SLC44A5: variants seen among roughly 807,000 people sequenced by gnomAD.
The protein encoded by SLC44A5 is solute carrier family 44 member 5, also known as choline transporter-like protein 5.
A neutral mutation model predicts 101.8 loss-of-function variants in SLC44A5; 57 were observed. The observed-to-expected ratio is 0.56, with a 90% confidence interval of 0.45 to 0.70. The LOEUF (loss-of-function observed/expected upper bound fraction) is 0.70. Among genes scored for constraint, SLC44A5 ranks in the 30% least tolerant of loss-of-function variants. The pLI, the probability that SLC44A5 is intolerant of heterozygous loss-of-function variation, is 0.00. For synonymous variants in SLC44A5, 281 were observed against 290.9 expected, an observed-to-expected ratio of 0.97 and a Z score of 0.35; for missense variants, 737 against 853.1, an observed-to-expected ratio of 0.86 and a Z score of 1.70.
chr1:75,529,761 G>A (rs1247015555), intron 2 of SLC44A5, among the ~76,000 whole-genome samples: 1 of 152,118 alleles, frequency 6.6e-6, no homozygotes, highest in African/African-American at 2.4e-5. Context: ...GAGAAAAGTG[G>A]CTCAAAGCTG....
intron 3 of SLC44A5, among the ~76,000 whole-genome samples, chr1:75,384,019 C>A (rs1457852014): frequency 6.6e-6 from 1 of 151,402 alleles, no homozygotes. Flanking sequence ...GAGATTTTGT[C>A]ACCACCAGGC....
At chr1:75,304,456 A>C (rs1405522245) in intron 4 of SLC44A5, among the ~76,000 whole-genome samples, 3 of 152,182 alleles carry the variant, frequency 2.0e-5, no homozygotes, top group Admixed American at 2.0e-4. Context: ...AATGTGAACA[A>C]ATCAAAATAT....
At chr1:75,600,954 A>C (rs1433349956) in intron 1 of SLC44A5, among the ~76,000 whole-genome samples, 1 of 152,202 alleles carries the variant, frequency 6.6e-6, no homozygotes, top group Non-Finnish European at 1.5e-5. Flanking sequence ...ATAAAGAGAG[A>C]CAGTGAGAAG....
At chr1:75,626,049 C>G in the SLC44A5 span, among the ~76,000 whole-genome samples, 141,800 of 152,182 alleles carry the variant, frequency 0.93, 66,204 homozygotes, top group East Asian at 0.99. Flanking sequence ...AATGATTTTA[C>G]ATGCCTACTG....
In SLC44A5 at chr1:75,461,674, G is replaced by A. The variant is rs184447781; in HGVS notation, c.14-65053C>T. 1.3e-3 allele frequency among the ~76,000 whole-genome samples: 202 copies of A among 152,194 alleles called. 2 individuals are homozygous for A. The highest frequency in any genetic ancestry group is 4.7e-3 in the African/African-American group (196 of 41,524). On this transcript the variant is annotated intron_variant, in intron 2 of 23. Transcript: ENST00000370859. ...GGATAGCATTTCTGAAACTGCTCTC[G>A]GCCAGAGGAGTGCCTACTACCCTAA...
At chr1:75,395,732 T>A (rs761719840) in intron 3 of SLC44A5, among the ~76,000 whole-genome samples, 1 of 152,152 alleles carries the variant, frequency 6.6e-6, no homozygotes, top group Non-Finnish European at 1.5e-5. Flanking sequence ...ATATACATTG[T>A]AGAAAGATTA....
intron 1 of SLC44A5, among the ~76,000 whole-genome samples, chr1:75,559,102 C>A (rs925540960): frequency 6.6e-6 from 1 of 151,786 alleles, no homozygotes; most frequent in African/African-American, 2.4e-5. Flanking sequence ...TGGAAATGTA[C>A]AAACTATTAG....
intron 1 of SLC44A5, among the ~76,000 whole-genome samples, chr1:75,591,993 C>T (rs1674381904): frequency 6.6e-6 from 1 of 152,112 alleles, no homozygotes; most frequent in Non-Finnish European, 1.5e-5. Context: ...CCACTGTCAA[C>T]ACTGTTATTC....
chr1:75,500,782 A>G (rs1442077498), intron 2 of SLC44A5, among the ~76,000 whole-genome samples: 5 of 152,166 alleles, frequency 3.3e-5, no homozygotes, highest in Non-Finnish European at 1.5e-5. Context: ...CTTCAAATCA[A>G]TGAGCATTTC....
At position 75,219,839 on chromosome 1, in the gene SLC44A5, A is replaced by T. The variant is rs1402388203; in HGVS notation, c.1139T>A (p.Leu380Ter). The T allele has an allele frequency of 6.2e-7, 1 of 1,613,002 alleles. No individual in the cohort carries two copies. Among genetic ancestry groups the T allele is most frequent in the African/African-American group, 1.3e-5 (1 of 74,896 alleles). Residue 380 changes from leucine (L) to a stop codon, truncating the protein, a stop_gained, in exon 15 of 24, where the codon TTG becomes TAG. Coordinates refer to ENST00000370859, the MANE Select transcript of SLC44A5 (RefSeq NM_001130058.2). LOFTEE classifies it high-confidence loss of function. ...TLVYPALTFI[L>*]LSICICYWVV... ...CCAGTAGCAAATGCAGATTGAGAGC[A>T]AAATGAAAGTTAAAGCTGGATAGAC...
the SLC44A5 span, among the ~76,000 whole-genome samples, chr1:75,717,422 T>C: frequency 6.6e-6 from 1 of 150,956 alleles, no homozygotes; most frequent in Non-Finnish European, 1.5e-5. Flanking sequence ...AGAGTACACA[T>C]GGACACAAAG....
At chr1:75,544,471 G>A (rs1671534150) in intron 1 of SLC44A5, among the ~76,000 whole-genome samples, 1 of 152,024 alleles carries the variant, frequency 6.6e-6, no homozygotes, top group South Asian at 2.1e-4. Context: ...TTACCATTTT[G>A]CCACTTTTGA....
chr1:75,504,153 T>C (rs961891236), intron 2 of SLC44A5, among the ~76,000 whole-genome samples: 1 of 152,180 alleles, frequency 6.6e-6, no homozygotes, highest in Non-Finnish European at 1.5e-5. Flanking sequence ...TAAAGTTATC[T>C]TAAAATAATT....
At chr1:75,714,467 C>T in the SLC44A5 span, among the ~76,000 whole-genome samples, 1 of 152,104 alleles carries the variant, frequency 6.6e-6, no homozygotes. Flanking sequence ...CTATTCAACA[C>T]AGTACTAGAA....
chr1:75,634,074 G>C, the SLC44A5 span, among the ~76,000 whole-genome samples: 19 of 152,238 alleles, frequency 1.2e-4, no homozygotes, highest in African/African-American at 3.6e-4. Flanking sequence ...ATGAAGCCCA[G>C]TTGATCATGG....
intron 3 of SLC44A5, among the ~76,000 whole-genome samples, chr1:75,352,012 C>A (rs1658714198): frequency 6.6e-6 from 1 of 151,506 alleles, no homozygotes; most frequent in Non-Finnish European, 1.5e-5. Context: ...TCAAAAGAAC[C>A]TTGAAGCAAA....
chr1:75,652,545 A>C, the SLC44A5 span, among the ~76,000 whole-genome samples: 13 of 152,226 alleles, frequency 8.5e-5, no homozygotes, highest in Admixed American at 8.5e-4. Flanking sequence ...TGAAAATCCC[A>C]ACACTTTGGG....
intron 4 of SLC44A5, among the ~76,000 whole-genome samples, chr1:75,314,639 G>A (rs1655554481): frequency 6.6e-6 from 1 of 152,118 alleles, no homozygotes; most frequent in Admixed American, 6.6e-5. Context: ...CTTAAGTAAT[G>A]CAAGTATTTA....
At chr1:75,230,440 G>A (rs995310882) in intron 12 of SLC44A5, among the ~76,000 whole-genome samples, 7 of 151,662 alleles carry the variant, frequency 4.6e-5, no homozygotes, top group East Asian at 2.0e-4. Context: ...TAGCAGAGAC[G>A]GGGTTTCACC....
Sources: allele counts gnomAD v4.1 joint callset (sites outside exome capture counted in the v4.1 genomes callset), GRCh38; gene constraint gnomAD v4.1.1; transcripts MANE v1.5; gene names NCBI Gene and HGNC (gene_info 2026-07-23, HGNC 2026-07-21).